Variants in NRXN1 observed in about 807,000 individuals in gnomAD.
NRXN1 encodes the protein neurexin-1.
Under a neutral mutation model 150.9 loss-of-function variants are expected in NRXN1, and 39 were observed. The ratio of observed to expected loss-of-function variants is 0.26; its 90% CI spans 0.20 to 0.34. The LOEUF (loss-of-function observed/expected upper bound fraction) is 0.34, where lower values mean the gene tolerates loss of function less well. NRXN1 is among the 10% of genes least tolerant of loss of function. NRXN1 has a pLI of 1.00. For missense variants in NRXN1, 1,815 were observed against 1,949.9 expected, an observed-to-expected ratio of 0.93 and a Z score of 1.30; for synonymous variants, 924 against 757.0, an observed-to-expected ratio of 1.22 and a Z score of -3.62.
At chr2:50,336,931 C>G (rs1455027581) in intron 17 of NRXN1, among the ~76,000 whole-genome samples, 1 of 151,940 alleles carries the variant, frequency 6.6e-6, no homozygotes. Context: ...GGAAATTAGA[C>G]AAAGTAAATC....
At position 50,702,365 on chromosome 2, in the gene NRXN1, A is replaced by T. The variant is rs965754831; in HGVS notation, c.833-78750T>A. 2.2e-4 allele frequency among the ~76,000 whole-genome samples: 33 copies of T among 151,534 alleles called. No homozygotes were observed. The South Asian group carries it at 6.8e-3, about 31-fold the overall frequency. On this transcript the variant is annotated intron_variant, in intron 5 of 22. Coordinates refer to ENST00000401669, the MANE Select transcript of NRXN1 (RefSeq NM_001330078.2). ...TTAAAAATGTTGTAATGAAAAAAAAAAACAAAACAAAACCTCATTTGTATT... is the reference window on the plus strand; with the variant it reads ...TTAAAAATGTTGTAATGAAAAAAAATAACAAAACAAAACCTCATTTGTATT...
chr2:50,514,363 T>G (rs1419334765), intron 12 of NRXN1, among the ~76,000 whole-genome samples: 2 of 152,158 alleles, frequency 1.3e-5, no homozygotes, highest in African/African-American at 2.4e-5. Flanking sequence ...ATTATAAAAT[T>G]TTAAAACTGA....
chr2:49,949,508 T>C (rs972029159), intron 21 of NRXN1, among the ~76,000 whole-genome samples: 2 of 151,952 alleles, frequency 1.3e-5, no homozygotes. Flanking sequence ...TATATTCCAA[T>C]GAAGACGCTT....
chr2:50,655,241 C>T (rs1172326610), intron 5 of NRXN1, among the ~76,000 whole-genome samples: 1 of 146,484 alleles, frequency 6.8e-6, no homozygotes, highest in Non-Finnish European at 1.5e-5. Flanking sequence ...CTGTATCTTT[C>T]ATATTTTTCA....
At chr2:50,680,544 C>CCCCA in intron 5 of NRXN1, among the ~76,000 whole-genome samples, 1 of 152,048 alleles carries the variant, frequency 6.6e-6, no homozygotes, top group East Asian at 1.9e-4. Flanking sequence ...AAAAAAATGT[C>CCCCA]AATCAACTGG....
At chr2:50,797,175 T>G (rs909929035) in intron 5 of NRXN1, among the ~76,000 whole-genome samples, 1 of 152,184 alleles carries the variant, frequency 6.6e-6, no homozygotes, top group African/African-American at 2.4e-5. Flanking sequence ...GCAATTAGTT[T>G]ATTTTTAAAT....
At chr2:50,320,858 G>A (rs886548084) in intron 17 of NRXN1, among the ~76,000 whole-genome samples, 1 of 152,076 alleles carries the variant, frequency 6.6e-6, no homozygotes, top group African/African-American at 2.4e-5. Flanking sequence ...TGCATTGAAT[G>A]CCATCTGATT....
At chr2:51,026,523 T>G in intron 2 of NRXN1, 1 of 1,189,556 alleles carries the variant, frequency 8.4e-7, no homozygotes, top group South Asian at 1.3e-5. Context: ...AATGCCACAC[T>G]GTTTTAAGCC....
chr2:51,023,971 T>C (rs1348072117), intron 2 of NRXN1, among the ~76,000 whole-genome samples: 7 of 152,178 alleles, frequency 4.6e-5, no homozygotes, highest in Admixed American at 4.6e-4. Flanking sequence ...GTGAAAACAG[T>C]CCAATGTGGG....
At chr2:50,172,156 T>C (rs970374666) in intron 18 of NRXN1, among the ~76,000 whole-genome samples, 7 of 152,188 alleles carry the variant, frequency 4.6e-5, no homozygotes, top group African/African-American at 1.2e-4. Flanking sequence ...CCTTCTGAAA[T>C]ATTGCAAACT....
chr2:50,978,962 C>T (rs1306861357), intron 2 of NRXN1, among the ~76,000 whole-genome samples: 1 of 152,000 alleles, frequency 6.6e-6, no homozygotes, highest in East Asian at 1.9e-4. Context: ...TCATAGGATG[C>T]TGTAATTTTC....
At chr2:50,513,060 C>A (rs1035892960) in intron 12 of NRXN1, among the ~76,000 whole-genome samples, 1 of 152,144 alleles carries the variant, frequency 6.6e-6, no homozygotes. Flanking sequence ...GGTATGTTAG[C>A]TTCTTTGAGC....
chr2:50,211,697 TA>T (rs1377224890), intron 18 of NRXN1, among the ~76,000 whole-genome samples: 1 of 151,436 alleles, frequency 6.6e-6, no homozygotes, highest in Non-Finnish European at 1.5e-5. Flanking sequence ...AGTTTAGAGA[TA>T]ACTAAAAACA....
chr2:50,845,489 G>A (rs752159268), intron 5 of NRXN1, among the ~76,000 whole-genome samples: 1 of 152,118 alleles, frequency 6.6e-6, no homozygotes, highest in Non-Finnish European at 1.5e-5. Context: ...ATCCTCTATT[G>A]AAACGTAATG....
intron 5 of NRXN1, among the ~76,000 whole-genome samples, chr2:50,658,721 C>T (rs990590): frequency 0.31 from 47,072 of 151,624 alleles, 7,792 homozygotes; most frequent in East Asian, 0.49. Context: ...TGCAGTTTTG[C>T]CAGATTCCAC....
intron 18 of NRXN1, among the ~76,000 whole-genome samples, chr2:50,132,968 T>C (rs1452091950): frequency 1.3e-5 from 2 of 151,554 alleles, no homozygotes; most frequent in Admixed American, 6.6e-5. Context: ...CTTGATGAGA[T>C]AGAAAGGAGC....
intron 17 of NRXN1, among the ~76,000 whole-genome samples, chr2:50,398,771 A>C (rs2082209064): frequency 6.6e-6 from 1 of 152,118 alleles, no homozygotes; most frequent in African/African-American, 2.4e-5. Flanking sequence ...AGGCTTCCTC[A>C]TGTGTTTTCT....
At chr2:50,329,674 T>TATA (rs1491185055) in intron 17 of NRXN1, among the ~76,000 whole-genome samples, 2 of 11,400 alleles carry the variant, frequency 1.8e-4, no homozygotes, top group Non-Finnish European at 1.3e-4. Flanking sequence ...TATATATATA[T>TATA]TTTTTTTTTT....
intron 5 of NRXN1, among the ~76,000 whole-genome samples, chr2:50,791,597 G>A (rs60254889): frequency 6.6e-6 from 1 of 152,074 alleles, no homozygotes. Context: ...GATCACAGAA[G>A]ACTTTGCTGA....
Sources: allele counts gnomAD v4.1 joint callset (sites outside exome capture counted in the v4.1 genomes callset), GRCh38; gene constraint gnomAD v4.1.1; transcripts MANE v1.5; gene names NCBI Gene and HGNC (gene_info 2026-07-23, HGNC 2026-07-21).